The following SPG11 variants were observed in gnomAD, a reference collection of about 807,000 sequenced individuals.
The protein encoded by SPG11 is SPG11 vesicle trafficking associated, spatacsin, also known as spatacsin.
In SPG11, 222 loss-of-function variants were observed where a neutral mutation model predicts 274.0. The ratio of observed to expected loss-of-function variants is 0.81; its 90% CI spans 0.73 to 0.91. SPG11 has a LOEUF of 0.91. SPG11 is among the 40% of genes least tolerant of loss of function. The probability of loss-of-function intolerance (pLI) is 0.00; values close to 1 mark genes in which losing one functional copy is unlikely to be tolerated. For missense variants in SPG11, 3,114 were observed against 2,872.7 expected (o/e 1.08, Z -1.92); for synonymous variants, 1,144 against 1,039.7 (o/e 1.10, Z -1.93).
rs1276142659 is a variant in SPG11, at chr15:44,615,578, T to C, written c.2835-12A>G. 2.5e-6 allele frequency: 4 copies of C among 1,613,172 alleles called. No homozygotes were observed. Among genetic ancestry groups the C allele is most frequent in the Non-Finnish European group, 3.4e-6 (4 of 1,179,462 alleles). On this transcript the variant is annotated splice_polypyrimidine_tract_variant and intron_variant, in intron 15 of 39. Transcript: ENST00000261866. ...AAAAAACCCCATTCCTATGGACAGA[T>C]TTATAGGATGTCAAGTTAAAAAGTT... is the stretch of plus-strand genomic sequence containing the variant.
In SPG11 at chr15:44,573,764, C is replaced by A; in HGVS notation, c.6007-19G>T. ...CCAACTCCTGAGAGGAAGACAAAGC[C>A]AGTCAAGGCCACTTTTAGAAGCCAG... On this transcript the variant is annotated intron_variant, in intron 31 of 39. Coordinates refer to ENST00000261866, the MANE Select transcript of SPG11 (RefSeq NM_025137.4). 2.5e-6 allele frequency: 4 copies of A among 1,613,710 alleles called. No homozygotes were observed. The highest frequency in any genetic ancestry group is 3.4e-6 in the Non-Finnish European group (4 of 1,179,664).
At chr15:44,596,662 A>G (rs77633029) in intron 24 of SPG11, 122 bp downstream of exon 24, 2 of 16,128 alleles carry the variant, frequency 1.2e-4, no homozygotes, top group Non-Finnish European at 2.2e-4. Flanking sequence ...ATCCTGGTCA[A>G]AAAAAAAAAA....
chr15:44,621,720 C>T (rs746922903), intron 14 of SPG11, 39 bp downstream of exon 14: 1 of 1,576,188 alleles, frequency 6.3e-7, no homozygotes, highest in South Asian at 1.1e-5. Flanking sequence ...ATTTAATCCT[C>T]ATTCAGTATG....
chr15:44,660,641 T>C, intron 1 of SPG11, 25 bp from the exon 2 acceptor site: 1 of 1,605,840 alleles, frequency 6.2e-7, no homozygotes, highest in East Asian at 2.2e-5. Context: ...TTAGATTTAT[T>C]ATATTCTATA....
At position 44,619,977 on chromosome 15, in the gene SPG11, AAGTGCTGAGATTAC is replaced by A. The variant is rs2083696118; in HGVS notation, c.2834+199_2834+212del. On this transcript the variant is annotated intron_variant, in intron 15 of 39. Coordinates refer to ENST00000261866, the MANE Select transcript of SPG11 (RefSeq NM_025137.4). ...GTGATCTGCCCGCCTTGGCCTCCCA[AAGTGCTGAGATTAC>A]AGGCATGAGCCACCGCACTTGGCCA... 3 of 510,160 alleles carry A rather than the reference AAGTGCTGAGATTAC, an allele frequency of 5.9e-6. No individual in the cohort carries two copies. In the East Asian group the frequency reaches 1.1e-4, roughly 19 times the overall value. 31.6% of individuals were successfully genotyped at this position (510,160 alleles called of 1,614,324 possible). A position where few individuals can be genotyped will look rare whatever the true frequency, so the allele number is the denominator to read the frequency against.
At chr15:44,631,215 G>A (rs2084051180) in intron 8 of SPG11, among the ~76,000 whole-genome samples, 1 of 152,090 alleles carries the variant, frequency 6.6e-6, no homozygotes, top group South Asian at 2.1e-4. Flanking sequence ...TAACAGCTAA[G>A]AACTAGAATA....
chr15:44,589,780 C>G (rs2082856914), intron 27 of SPG11, among the ~76,000 whole-genome samples: 1 of 152,134 alleles, frequency 6.6e-6, no homozygotes, highest in African/African-American at 2.4e-5. Context: ...TAAAATTAAC[C>G]AGATGTTTCA....
chr15:44,606,543 G>C (rs2083322534), intron 19 of SPG11, among the ~76,000 whole-genome samples: 1 of 152,084 alleles, frequency 6.6e-6, no homozygotes, highest in African/African-American at 2.4e-5. Flanking sequence ...AATGTGATGA[G>C]CAACAACATG....
intron 15 of SPG11, among the ~76,000 whole-genome samples, chr15:44,617,116 C>G (rs2083609279): frequency 6.6e-6 from 1 of 152,166 alleles, no homozygotes; most frequent in African/African-American, 2.4e-5. Context: ...TTAGTTCACT[C>G]AATGGGAGGG....
At chr15:44,629,850 C>G (rs1046247558) in intron 8 of SPG11, among the ~76,000 whole-genome samples, 1 of 151,652 alleles carries the variant, frequency 6.6e-6, no homozygotes, top group South Asian at 2.1e-4. Context: ...GCAAGCAGAT[C>G]ACTTGAGGTC....
At chr15:44,582,183 C>T (rs1312098504) in intron 30 of SPG11, among the ~76,000 whole-genome samples, 1 of 152,092 alleles carries the variant, frequency 6.6e-6, no homozygotes, top group Non-Finnish European at 1.5e-5. Context: ...ACAATGTTTT[C>T]CAGAAAATAA....
At chr15:44,622,197 CAA>C in intron 13 of SPG11, 21 bp downstream of exon 13, 1 of 1,606,960 alleles carries the variant, frequency 6.2e-7, no homozygotes, top group Non-Finnish European at 8.5e-7. Context: ...CTAATATTAT[CAA>C]AAGAGGACTA....
intron 9 of SPG11, among the ~76,000 whole-genome samples, 159 bp from the exon 10 acceptor site, chr15:44,629,003 G>A (rs1749071113): frequency 6.6e-6 from 1 of 152,188 alleles, no homozygotes; most frequent in South Asian, 2.1e-4. Flanking sequence ...AAGTAGCTCT[G>A]TATTTTAATA....
intron 15 of SPG11, among the ~76,000 whole-genome samples, chr15:44,619,268 AAT>A (rs1174185488): frequency 6.6e-6 from 1 of 152,208 alleles, no homozygotes; most frequent in Non-Finnish European, 1.5e-5. Flanking sequence ...AATACATAAA[AAT>A]ATGTTTAAGA....
chr15:44,651,235 G>A (rs1425974686), intron 6 of SPG11, among the ~76,000 whole-genome samples: 1 of 151,936 alleles, frequency 6.6e-6, no homozygotes, highest in Non-Finnish European at 1.5e-5. Flanking sequence ...AGACTCTTTG[G>A]GTTAAAAATA....
At chr15:44,635,589 C>T (rs1342852253) in intron 7 of SPG11, among the ~76,000 whole-genome samples, 2 of 124,472 alleles carry the variant, frequency 1.6e-5, no homozygotes, top group African/African-American at 6.1e-5. Context: ...CTATGCAACC[C>T]TGTCTCAAAA....
chr15:44,589,810 T>C (rs1404112224), intron 27 of SPG11, among the ~76,000 whole-genome samples: 1 of 152,168 alleles, frequency 6.6e-6, no homozygotes, highest in Non-Finnish European at 1.5e-5. Flanking sequence ...TTCTTTATTT[T>C]TATTTTATTT....
rs769664376 is a variant in SPG11, at chr15:44,585,613, A to AG, written c.5121+22_5121+23insC. The AG allele has an allele frequency of 6.4e-6, 10 of 1,574,538 alleles. No homozygotes were observed. The East Asian group carries it at 2.3e-4, about 36-fold the overall frequency. On this transcript the variant is annotated intron_variant, in intron 29 of 39. Coordinates refer to ENST00000261866, the MANE Select transcript of SPG11 (RefSeq NM_025137.4). ...CAAGACCCCGTATCTAAAAAAAAAA[A>AG]AAAAAAAAAAGACCGATGATACCTC...
intron 7 of SPG11, among the ~76,000 whole-genome samples, chr15:44,638,949 T>C (rs891611639): frequency 2.6e-5 from 4 of 151,666 alleles, no homozygotes; most frequent in Non-Finnish European, 4.4e-5. Flanking sequence ...TGAGCCAAGA[T>C]TGCGCCACTA....
Sources: allele counts gnomAD v4.1 joint callset (sites outside exome capture counted in the v4.1 genomes callset), GRCh38; gene constraint gnomAD v4.1.1; transcripts MANE v1.5; gene names NCBI Gene and HGNC (gene_info 2026-07-23, HGNC 2026-07-21).